Variants in UNC13C observed in about 807,000 individuals in gnomAD.
UNC13C encodes the protein unc-13 homolog C.
Under a neutral mutation model 245.4 loss-of-function variants are expected in UNC13C, and 174 were observed. The ratio of observed to expected loss-of-function variants is 0.71; its 90% CI spans 0.63 to 0.80. The LOEUF is 0.80. UNC13C is among the 30% of genes least tolerant of loss of function. The pLI is 0.00. For missense variants in UNC13C, 2,829 were observed against 2,602.9 expected (o/e 1.09, Z -1.89); for synonymous variants, 992 against 895.1 (o/e 1.11, Z -1.93).
At chr15:54,445,352 A>G (rs955373338) in intron 19 of UNC13C, among the ~76,000 whole-genome samples, 2 of 151,982 alleles carry the variant, frequency 1.3e-5, no homozygotes, top group Non-Finnish European at 2.9e-5. Flanking sequence ...GGCTGAGTCA[A>G]ATGGTATTTC....
intron 28 of UNC13C, among the ~76,000 whole-genome samples, chr15:54,553,411 A>G (rs1566906136): frequency 7.7e-6 from 1 of 129,060 alleles, no homozygotes; most frequent in Non-Finnish European, 1.6e-5. Context: ...TATATATTGT[A>G]ATATATAATA....
In UNC13C at chr15:54,264,280, A is replaced by C. The variant is rs938251241; in HGVS notation, c.3561A>C (p.Glu1187Asp). The C allele has an allele frequency of 1.9e-6, 3 of 1,600,110 alleles. No individual in the cohort carries two copies. Among genetic ancestry groups the C allele is most frequent in the African/African-American group, 2.7e-5 (2 of 74,676 alleles). The part of the protein sequence containing the change: ...IREKNRPEVF[E>D]VIQEMFQISK... Reference sequence around the variant, plus strand: ...AGAAAAACCGGCCAGAAGTATTTGAAGTAATCCAGGAAATGTTTCAGATTT... The same window carrying C: ...AGAAAAACCGGCCAGAAGTATTTGACGTAATCCAGGAAATGTTTCAGATTT... The change falls in exon 9 of 33, where the codon GAA becomes GAC. Residue 1187 changes from glutamate to aspartate, a missense_variant. Transcript: ENST00000260323.
intron 2 of UNC13C, among the ~76,000 whole-genome samples, chr15:54,123,189 A>G (rs1406142647): frequency 1.3e-5 from 2 of 151,874 alleles, no homozygotes; most frequent in Non-Finnish European, 2.9e-5. Context: ...TTACCCCAAG[A>G]CTAATGATAT....
chr15:54,526,138 T>C (rs1895445819), intron 25 of UNC13C, among the ~76,000 whole-genome samples: 1 of 152,176 alleles, frequency 6.6e-6, no homozygotes, highest in African/African-American at 2.4e-5. Context: ...CCTAGCAATC[T>C]GAATACAACT....
At chr15:54,525,755 C>T in intron 25 of UNC13C, 118 bp downstream of exon 25, 3 of 803,540 alleles carry the variant, frequency 3.7e-6, no homozygotes, top group Non-Finnish European at 4.0e-6. Context: ...AAGACCCAAT[C>T]TAAATGTCAT....
At chr15:54,156,924 T>C (rs2032775058) in intron 4 of UNC13C, among the ~76,000 whole-genome samples, 2 of 151,786 alleles carry the variant, frequency 1.3e-5, no homozygotes, top group Non-Finnish European at 2.9e-5. Context: ...ACTCAGCAGT[T>C]AGAACTAGAC....
chr15:54,494,791 T>G, intron 20 of UNC13C, 57 bp downstream of exon 20: 1 of 1,579,504 alleles, frequency 6.3e-7, no homozygotes, highest in Non-Finnish European at 8.6e-7. Context: ...TCCTGTAAAA[T>G]TACACCTGAA....
chr15:53,856,772 G>A, the UNC13C span, among the ~76,000 whole-genome samples: 2 of 152,066 alleles, frequency 1.3e-5, no homozygotes, highest in East Asian at 3.9e-4. Context: ...TGGGTGGAGA[G>A]TTCTGTAGAT....
chr15:54,561,652 G>A (rs1897302291), intron 29 of UNC13C, among the ~76,000 whole-genome samples: 1 of 151,974 alleles, frequency 6.6e-6, no homozygotes, highest in Admixed American at 6.6e-5. Flanking sequence ...AAATGTTTAG[G>A]TTGAAAATAC....
At chr15:54,495,124 T>G (rs1371445050) in intron 20 of UNC13C, among the ~76,000 whole-genome samples, 1 of 152,060 alleles carries the variant, frequency 6.6e-6, no homozygotes. Flanking sequence ...GGAATTCATA[T>G]TTCTAAAAAT....
chr15:54,496,294 T>C (rs1287135779), intron 20 of UNC13C, among the ~76,000 whole-genome samples: 1 of 151,980 alleles, frequency 6.6e-6, no homozygotes, highest in Non-Finnish European at 1.5e-5. Context: ...AGCAAGTATG[T>C]AAAGGGTGAA....
At chr15:54,254,782 A>T (rs2036237890) in intron 8 of UNC13C, among the ~76,000 whole-genome samples, 1 of 152,130 alleles carries the variant, frequency 6.6e-6, no homozygotes, top group Admixed American at 6.5e-5. Context: ...TCCTAGGGGG[A>T]AGAAAAGGAA....
intron 22 of UNC13C, among the ~76,000 whole-genome samples, chr15:54,502,914 C>T (rs969825669): frequency 2.6e-5 from 4 of 152,140 alleles, no homozygotes; most frequent in East Asian, 1.9e-4. Flanking sequence ...TGCAGCCACC[C>T]GTTTGTAGCT....
chr15:54,170,008 TAAACATCGCTATA>T, intron 4 of UNC13C, among the ~76,000 whole-genome samples: 1 of 78,756 alleles, frequency 1.3e-5, no homozygotes, highest in Non-Finnish European at 2.8e-5. Flanking sequence ...TTTTTTTTTT[TAAACATCGCTATA>T]TTCTTAAACC....
At position 54,235,098 on chromosome 15, in the gene UNC13C, T is replaced by C. The variant is rs1339845683; in HGVS notation, c.3140T>C (p.Val1047Ala). 6.2e-7 allele frequency: 1 copy of C among 1,613,900 alleles called. No individual in the cohort carries two copies. The highest frequency in any genetic ancestry group is 1.1e-5 in the South Asian group (1 of 91,080). ...DLRRKKTLPI[V>A]RDVAMTLAAR... The stretch of plus-strand genomic sequence containing the variant: ...CGCAGAAAAAAAACTTTGCCTATTG[T>C]CCGAGATGTGGTAAGTTACAACTGT... Residue 1047 changes from valine (V) to alanine (A), a missense_variant, in exon 5 of 33, where the codon GTC (valine) becomes GCC (alanine). Coordinates refer to ENST00000260323, the MANE Select transcript of UNC13C (RefSeq NM_001080534.3).
intron 11 of UNC13C, among the ~76,000 whole-genome samples, chr15:54,297,379 G>T (rs906163794): frequency 6.6e-6 from 1 of 151,990 alleles, no homozygotes; most frequent in Non-Finnish European, 1.5e-5. Flanking sequence ...TAGAGACAGG[G>T]TCTCACTCTG....
At chr15:54,040,179 C>T (rs547413326) in intron 2 of UNC13C, among the ~76,000 whole-genome samples, 2 of 152,130 alleles carry the variant, frequency 1.3e-5, no homozygotes, top group Non-Finnish European at 2.9e-5. Context: ...GGGTAGGTTT[C>T]TCCCAGAAGC....
intron 2 of UNC13C, among the ~76,000 whole-genome samples, chr15:54,070,745 C>A (rs1056959420): frequency 3.3e-5 from 5 of 152,122 alleles, no homozygotes; most frequent in Admixed American, 3.3e-4. Flanking sequence ...CGGCTTCCTT[C>A]ATCTACATTT....
intron 2 of UNC13C, among the ~76,000 whole-genome samples, chr15:54,036,433 T>C (rs997704733): frequency 6.6e-6 from 1 of 152,192 alleles, no homozygotes; most frequent in African/African-American, 2.4e-5. Context: ...AGAAATGTTA[T>C]GCATTTCCTA....
Sources: gnomAD v4.1 joint callset for allele counts (sites outside exome capture counted in the v4.1 genomes callset) on GRCh38, gnomAD v4.1.1 for gene constraint, MANE v1.5 for transcripts, NCBI Gene and HGNC (gene_info 2026-07-23, HGNC 2026-07-21) for gene names.